MYCBP2: variants seen among roughly 807,000 people sequenced by gnomAD.
MYCBP2 encodes E3 ubiquitin-protein ligase MYCBP2.
In MYCBP2, 120 loss-of-function variants were observed where a neutral mutation model predicts 525.3. The observed-to-expected ratio is 0.23, with a 90% CI of 0.20 to 0.27. MYCBP2 has a LOEUF of 0.27. MYCBP2 is among the 10% of genes least tolerant of loss of function. MYCBP2 has a pLI of 1.00. For synonymous variants in MYCBP2, 1,894 were observed against 1,955.8 expected (o/e 0.97, Z 0.83); for missense variants, 4,149 against 5,657.1 (o/e 0.73, Z 8.55).
chr13:77,202,146 A>C (rs566567752), intron 26 of MYCBP2, among the ~76,000 whole-genome samples: 49 of 152,338 alleles, frequency 3.2e-4, no homozygotes, highest in African/African-American at 1.2e-3. Context: ...ACCGCTAACA[A>C]GACTAATAAA....
At chr13:77,261,132 T>C (rs763995306) in intron 12 of MYCBP2, 39 bp downstream of exon 12, 1 of 1,518,440 alleles carries the variant, frequency 6.6e-7, no homozygotes, top group South Asian at 1.2e-5. Context: ...AAATAAAGCA[T>C]TTATTTTTAT....
In MYCBP2 at chr13:77,098,355, G is replaced by A. The variant is rs773523996; in HGVS notation, c.8799C>T (p.Val2933=). The A allele has an allele frequency of 8.7e-6, 14 of 1,612,648 alleles. No homozygotes were observed. Among genetic ancestry groups the A allele is most frequent in the South Asian group, 2.2e-5 (2 of 91,036 alleles). Residue 2933 remains valine, a synonymous_variant, in exon 56 of 83, where the codon GTC becomes GTT. Coordinates refer to ENST00000544440, the MANE Select transcript of MYCBP2 (RefSeq NM_015057.5). The part of the protein sequence containing the change: ...VVQENLHSEV[V]EVCTSSTLKT... ...TTAAAGTACTTGAGGTGCAGACTTC[G>A]ACCACCTCACTGTGGAGGTTTTCCT...
chr13:77,077,039 C>A, intron 67 of MYCBP2, 109 bp downstream of exon 67: 1 of 1,454,104 alleles, frequency 6.9e-7, no homozygotes, highest in South Asian at 1.4e-5. Context: ...AAATGGGCAA[C>A]ATTTATAGCC....
chr13:77,044,695 T>C lies in MYCBP2; in HGVS notation c.*683A>G, dbSNP rs1283894519. On this transcript the variant is annotated 3_prime_UTR_variant, in exon 83 of 83. Transcript: ENST00000544440. ...TGTATAAAAATGTACAGTGGTTTTATTGACATGTACATTCCAATATGTTTA... is the reference window on the plus strand; with the variant it reads ...TGTATAAAAATGTACAGTGGTTTTACTGACATGTACATTCCAATATGTTTA... 2.5e-6 allele frequency: 1 copy of C among 398,628 alleles called. No homozygotes were observed. Among genetic ancestry groups the C allele is most frequent in the Admixed American group, 4.4e-5 (1 of 22,714 alleles). The allele number at this position is 398,628 out of a possible 1,614,324, so 24.7% of individuals were successfully genotyped here.
Position 77,177,769 on chromosome 13 carries a change from T to C in MYCBP2, c.5319A>G (p.Glu1773=), listed in dbSNP as rs2154242720. Residue 1773 remains glutamate, a synonymous_variant, in exon 35 of 83, where the codon GAA becomes GAG. Coordinates refer to ENST00000544440, the MANE Select transcript of MYCBP2 (RefSeq NM_015057.5). ...TTACATCATCAACCAACACCTCTAA[T>C]TCATATTCATGAATTCCACCTCCTC... ...VYGGGGIHEY[E]LEVLVDDSEH... is the part of the protein sequence containing the mutation. 1 of 1,613,672 alleles carries C rather than the reference T, an allele frequency of 6.2e-7. No homozygotes were observed. Among genetic ancestry groups the C allele is most frequent in the South Asian group, 1.1e-5 (1 of 91,078 alleles).
At chr13:77,300,348 T>C (rs140443023) in intron 1 of MYCBP2, among the ~76,000 whole-genome samples, 2,847 of 152,322 alleles carry the variant, frequency 0.019, 40 homozygotes, top group Non-Finnish European at 0.031. Flanking sequence ...AACTACTCAA[T>C]GGTTACAGCA....
At chr13:77,191,399 T>C (rs1198201850) in intron 28 of MYCBP2, among the ~76,000 whole-genome samples, 3 of 152,182 alleles carry the variant, frequency 2.0e-5, no homozygotes, top group Admixed American at 6.5e-5. Context: ...CCTTCCTCTA[T>C]ATAATTTCTA....
chr13:77,085,126 C>T (rs2044012292), intron 62 of MYCBP2, among the ~76,000 whole-genome samples: 1 of 151,992 alleles, frequency 6.6e-6, no homozygotes, highest in African/African-American at 2.4e-5. Flanking sequence ...AGAACTCTGC[C>T]AAACAACAAG....
intron 7 of MYCBP2, among the ~76,000 whole-genome samples, chr13:77,268,850 C>A (rs2074462362): frequency 1.3e-5 from 2 of 151,934 alleles, no homozygotes; most frequent in Non-Finnish European, 2.9e-5. Flanking sequence ...CTTCATGTAA[C>A]AATAGTAATT....
At chr13:77,211,777 C>T (rs1356188639) in intron 22 of MYCBP2, among the ~76,000 whole-genome samples, 179 bp downstream of exon 22, 3 of 152,170 alleles carry the variant, frequency 2.0e-5, no homozygotes, top group Admixed American at 2.0e-4. Context: ...CCAATTATTC[C>T]ATTCTTTCAG....
intron 63 of MYCBP2, 120 bp from the exon 64 acceptor site, chr13:77,082,113 C>T: frequency 1.2e-6 from 1 of 852,710 alleles, no homozygotes; most frequent in South Asian, 2.7e-5. Flanking sequence ...TAGTAACAGA[C>T]ATTTTAAAAA....
At chr13:77,080,516 G>A (rs2043119647) in intron 65 of MYCBP2, 1 of 152,110 alleles carries the variant, frequency 6.6e-6, no homozygotes, top group Admixed American at 6.5e-5. Flanking sequence ...TTCTTGTTTA[G>A]TGCCTTTTAT....
chr13:77,310,786 G>GCA (rs147886448), intron 1 of MYCBP2, among the ~76,000 whole-genome samples: 90,167 of 150,160 alleles, frequency 0.6, 29,071 homozygotes, highest in Non-Finnish European at 0.73. Context: ...GCGTGCGCAT[G>GCA]CACACACACA....
At chr13:77,276,066 C>T (rs2075538428) in intron 4 of MYCBP2, among the ~76,000 whole-genome samples, 1 of 152,226 alleles carries the variant, frequency 6.6e-6, no homozygotes, top group Non-Finnish European at 1.5e-5. Context: ...ACATATCCAA[C>T]TCTCTGATGC....
At position 77,135,128 on chromosome 13, in the gene MYCBP2, T is replaced by C. The variant is rs577324220; in HGVS notation, c.7659+4068A>G. Among the ~76,000 whole-genome samples the C allele has an allele frequency of 2.0e-5, 3 of 152,320 alleles. No individual in the cohort carries two copies. In the South Asian group the frequency reaches 6.2e-4, roughly 32 times the overall value. ...ACAAAATTGTTTTAACTAGAAAAGGTTGAAGAGATAGACACAAACAGTGCT... is the reference window on the plus strand; with the variant it reads ...ACAAAATTGTTTTAACTAGAAAAGGCTGAAGAGATAGACACAAACAGTGCT... On this transcript the variant is annotated intron_variant, in intron 52 of 82. Transcript: ENST00000544440.
intron 23 of MYCBP2, among the ~76,000 whole-genome samples, chr13:77,209,186 T>C (rs1243540638): frequency 1.3e-5 from 2 of 152,218 alleles, no homozygotes; most frequent in African/African-American, 2.4e-5. Flanking sequence ...TTTGAGATCA[T>C]CTGTCCCATT....
chr13:77,097,259 G>C, intron 56 of MYCBP2, 111 bp downstream of exon 56: 2 of 1,399,862 alleles, frequency 1.4e-6, no homozygotes, highest in Non-Finnish European at 1.9e-6. Flanking sequence ...GACATTCTAA[G>C]ATACTATAAA....
At chr13:77,210,157 C>G (rs1026893441) in intron 23 of MYCBP2, among the ~76,000 whole-genome samples, 6 of 151,276 alleles carry the variant, frequency 4.0e-5, no homozygotes, top group African/African-American at 1.5e-4. Context: ...AGAAGGGTAA[C>G]TTATTTATTC....
At chr13:77,250,371 T>C (rs529370447) in intron 15 of MYCBP2, among the ~76,000 whole-genome samples, 1 of 152,030 alleles carries the variant, frequency 6.6e-6, no homozygotes, top group African/African-American at 2.4e-5. Context: ...TATTACAGAG[T>C]TGACAAAGAG....
Sources: gnomAD v4.1 joint callset for allele counts (sites outside exome capture counted in the v4.1 genomes callset) on GRCh38, gnomAD v4.1.1 for gene constraint, MANE v1.5 for transcripts, NCBI Gene and HGNC (gene_info 2026-07-23, HGNC 2026-07-21) for gene names.